The following NOX4 variants were observed in gnomAD, a reference collection of about 807,000 sequenced individuals.
NOX4 encodes NADPH oxidase 4.
A neutral mutation model predicts 87.6 loss-of-function variants in NOX4; 69 were observed. That is an observed-to-expected ratio of 0.79 (90% confidence interval 0.65 to 0.96). The LOEUF (loss-of-function observed/expected upper bound fraction) is 0.96, where lower values mean the gene tolerates loss of function less well. Among genes scored for constraint, NOX4 ranks in the 40% least tolerant of loss-of-function variants. The pLI is 0.00. For synonymous variants in NOX4, 275 were observed against 238.2 expected, an observed-to-expected ratio of 1.15 and a Z score of -1.42; for missense variants, 680 against 681.5, an observed-to-expected ratio of 1.00 and a Z score of 0.02.
chr11:89,450,228 G>A (rs1301842452), intron 3 of NOX4, among the ~76,000 whole-genome samples: 1 of 152,164 alleles, frequency 6.6e-6, no homozygotes, highest in East Asian at 1.9e-4. Flanking sequence ...AACCTAGAGA[G>A]AGTTATTTTC....
At chr11:89,427,002 C>T (rs965491877) in intron 7 of NOX4, among the ~76,000 whole-genome samples, 4 of 152,078 alleles carry the variant, frequency 2.6e-5, no homozygotes, top group Admixed American at 6.5e-5. Context: ...CCCACAGGGC[C>T]GAGTACCCCT....
chr11:89,513,556 T>A, the NOX4 span, among the ~76,000 whole-genome samples: 4 of 151,866 alleles, frequency 2.6e-5, no homozygotes, highest in Non-Finnish European at 2.9e-5. Context: ...TACAATTGAG[T>A]CAAACAAAAA....
chr11:89,567,181 C>T, the NOX4 span, among the ~76,000 whole-genome samples: 1 of 152,156 alleles, frequency 6.6e-6, no homozygotes, highest in Non-Finnish European at 1.5e-5. Flanking sequence ...ACCTCCCCGG[C>T]CACACCCATT....
the NOX4 span, among the ~76,000 whole-genome samples, chr11:89,506,369 C>T: frequency 6.6e-6 from 1 of 151,082 alleles, no homozygotes; most frequent in Non-Finnish European, 1.5e-5. Flanking sequence ...AAGAAAGGAA[C>T]AAAGGAAAAA....
At chr11:89,473,211 T>A (rs1310168533) in intron 2 of NOX4, among the ~76,000 whole-genome samples, 4 of 152,158 alleles carry the variant, frequency 2.6e-5, no homozygotes, top group Non-Finnish European at 4.4e-5. Context: ...GGAGAAGGCA[T>A]GGAGAAGTTG....
chr11:89,477,029 T>C (rs141707118), intron 2 of NOX4, among the ~76,000 whole-genome samples: 279 of 152,266 alleles, frequency 1.8e-3, no homozygotes, highest in African/African-American at 6.5e-3. Context: ...GGACTGGTTT[T>C]GGGGAAGACA....
chr11:89,480,760 T>G (rs1472273278), intron 2 of NOX4, among the ~76,000 whole-genome samples: 1 of 152,104 alleles, frequency 6.6e-6, no homozygotes, highest in Non-Finnish European at 1.5e-5. Flanking sequence ...AAGATTGCAA[T>G]GAAAGCTAGC....
intron 8 of NOX4, among the ~76,000 whole-genome samples, chr11:89,410,870 C>T (rs1591156096): frequency 6.6e-6 from 1 of 152,130 alleles, no homozygotes; most frequent in Non-Finnish European, 1.5e-5. Context: ...TGGCACACGC[C>T]CCAGTGAGAC....
At chr11:89,339,122 A>T (rs958763145) in intron 15 of NOX4, among the ~76,000 whole-genome samples, 14 of 152,294 alleles carry the variant, frequency 9.2e-5, no homozygotes, top group African/African-American at 2.4e-4. Flanking sequence ...GAATGCATGC[A>T]CAAAGAGGTA....
At chr11:89,567,680 C>G in the NOX4 span, among the ~76,000 whole-genome samples, 1 of 152,130 alleles carries the variant, frequency 6.6e-6, no homozygotes, top group South Asian at 2.1e-4. Context: ...ATGGGGGAAC[C>G]ACTCCCATGA....
At chr11:89,437,740 A>C (rs138719159) in intron 6 of NOX4, among the ~76,000 whole-genome samples, 1 of 152,102 alleles carries the variant, frequency 6.6e-6, no homozygotes, top group African/African-American at 2.4e-5. Context: ...AAGACAGTAC[A>C]TGTAAGGAAA....
At chr11:89,486,539 C>CAT (rs1171149356) in intron 2 of NOX4, among the ~76,000 whole-genome samples, 3 of 93,142 alleles carry the variant, frequency 3.2e-5, no homozygotes, top group African/African-American at 6.8e-5. Flanking sequence ...TGTATATATA[C>CAT]ATATATGTGT....
At chr11:89,505,232 T>C in the NOX4 span, among the ~76,000 whole-genome samples, 2 of 151,920 alleles carry the variant, frequency 1.3e-5, no homozygotes, top group South Asian at 4.1e-4. Flanking sequence ...TTAATGTCTG[T>C]CTTCCCTGCT....
intron 7 of NOX4, among the ~76,000 whole-genome samples, chr11:89,425,989 A>G (rs1486904962): frequency 6.6e-6 from 1 of 152,144 alleles, no homozygotes; most frequent in East Asian, 1.9e-4. Flanking sequence ...AAGTTTGTTC[A>G]GAAGCATCAA....
the NOX4 span, chr11:89,577,175 T>A: frequency 2.1e-4 from 32 of 152,238 alleles, no homozygotes; most frequent in African/African-American, 7.7e-4. Flanking sequence ...AAGATTTATA[T>A]TATTAATTTT....
upstream of NOX4, among the ~76,000 whole-genome samples, chr11:89,496,793 A>G (rs997114739): frequency 6.6e-6 from 1 of 152,072 alleles, no homozygotes; most frequent in African/African-American, 2.4e-5. Context: ...TCCTCTCTTT[A>G]TGTTTCTCTC....
intron 17 of NOX4, among the ~76,000 whole-genome samples, chr11:89,333,967 T>TAC (rs982397345): frequency 2.0e-5 from 3 of 151,532 alleles, no homozygotes; most frequent in African/African-American, 4.8e-5. Context: ...ACCAAATATA[T>TAC]ACACACACAC....
At chr11:89,430,007 T>A (rs888073079) in intron 7 of NOX4, among the ~76,000 whole-genome samples, 7 of 152,158 alleles carry the variant, frequency 4.6e-5, no homozygotes, top group African/African-American at 1.7e-4. Context: ...TTATCCAACA[T>A]GATGAAGTGG....
chr11:89,429,536 C>T (rs116172558), intron 7 of NOX4, among the ~76,000 whole-genome samples: 5,202 of 152,056 alleles, frequency 0.034, 307 homozygotes, highest in African/African-American at 0.12. Context: ...ATATCAACAC[C>T]GATCGCACAG....
Sources: gnomAD v4.1 joint callset for allele counts (sites outside exome capture counted in the v4.1 genomes callset) on GRCh38, gnomAD v4.1.1 for gene constraint, MANE v1.5 for transcripts, NCBI Gene and HGNC (gene_info 2026-07-23, HGNC 2026-07-21) for gene names.